The following SMG6 variants were observed in gnomAD, a reference collection of about 807,000 sequenced individuals.
SMG6 encodes the protein telomerase-binding protein EST1A.
SMG6 carries 66 observed loss-of-function variants against 142.2 expected under a neutral mutation model. That is an observed-to-expected ratio of 0.46 (90% confidence interval 0.38 to 0.57). SMG6 has a LOEUF of 0.57. Ranked by LOEUF, SMG6 falls within the 20% of genes least tolerant of loss-of-function variation. The pLI is 0.00. For synonymous variants in SMG6, 779 were observed against 702.4 expected (o/e 1.11, Z -1.72); for missense variants, 1,793 against 1,832.0 (o/e 0.98, Z 0.39).
rs550357395 is a variant in SMG6, at chr17:2,068,118, T to C, written c.3835+660A>G. 6.6e-6 allele frequency among the ~76,000 whole-genome samples: 1 copy of C among 152,236 alleles called. No homozygotes were observed. The highest frequency in any genetic ancestry group is 2.4e-5 in the African/African-American group (1 of 41,532). ...AACTAAGGGTACCCAGACGGTCCCG[T>C]GGAGACGGCCCAGCTGGGCCTCTCT... On this transcript the variant is annotated intron_variant, in intron 16 of 18. Coordinates refer to ENST00000263073, the MANE Select transcript of SMG6 (RefSeq NM_017575.5). The surrounding 1 kb of genome is among the most constrained non-coding windows in gnomAD (Gnocchi z 6.7).
At chr17:2,300,792 C>T in intron 1 of SMG6, 128 bp from the exon 2 acceptor site, 1 of 793,320 alleles carries the variant, frequency 1.3e-6, no homozygotes, top group Non-Finnish European at 1.9e-6. Context: ...TATCCAAATG[C>T]TAATACTGGT....
At position 2,118,502 on chromosome 17, in the gene SMG6, G is replaced by A. The variant is rs1037330339; in HGVS notation, c.3358-32601C>T. On this transcript the variant is annotated intron_variant, in intron 13 of 18. Coordinates refer to ENST00000263073, the MANE Select transcript of SMG6 (RefSeq NM_017575.5). The stretch of plus-strand genomic sequence containing the variant: ...AGCAGTGAGCCAAGATCGTGCCACT[G>A]CACTCCAGCCTGGGTGTAAGAGTGA... Among the ~76,000 whole-genome samples the A allele has an allele frequency of 1.6e-4, 25 of 152,128 alleles. 1 individual carries two copies. The highest frequency in any genetic ancestry group is 6.0e-4 in the African/African-American group (25 of 41,508).
chr17:2,220,422 G>A (rs1298705460), intron 10 of SMG6, among the ~76,000 whole-genome samples: 1 of 152,188 alleles, frequency 6.6e-6, no homozygotes, highest in East Asian at 1.9e-4. Context: ...CTTGGACCCA[G>A]GAGTTTGAGA....
chr17:2,185,264 G>A (rs2071941827), intron 12 of SMG6, among the ~76,000 whole-genome samples: 1 of 151,988 alleles, frequency 6.6e-6, no homozygotes, highest in Non-Finnish European at 1.5e-5. Context: ...AGCGCCCAGA[G>A]GCAGACACAC....
intron 9 of SMG6, among the ~76,000 whole-genome samples, chr17:2,243,312 A>AC (rs1157477554): frequency 6.6e-6 from 1 of 152,208 alleles, no homozygotes; most frequent in Non-Finnish European, 1.5e-5. Flanking sequence ...TTCCAGTGGA[A>AC]CCAAGCCTTT....
intron 12 of SMG6, among the ~76,000 whole-genome samples, chr17:2,183,323 G>C (rs1462238906): frequency 3.9e-5 from 6 of 152,092 alleles, no homozygotes; most frequent in Non-Finnish European, 7.4e-5. Flanking sequence ...GCAGGAGGGA[G>C]AGATGAATAG....
At chr17:2,133,996 T>C (rs2070208509) in intron 13 of SMG6, among the ~76,000 whole-genome samples, 1 of 152,192 alleles carries the variant, frequency 6.6e-6, no homozygotes, top group Non-Finnish European at 1.5e-5. Flanking sequence ...ACACTAGCCC[T>C]GGACTGCCTA....
chr17:2,162,960 T>C (rs2071227278), intron 13 of SMG6, among the ~76,000 whole-genome samples: 1 of 151,992 alleles, frequency 6.6e-6, no homozygotes, highest in African/African-American at 2.4e-5. Flanking sequence ...GCCTCTCAAG[T>C]AGCTGGGACT....
chr17:2,239,976 G>C (rs1488037345), intron 9 of SMG6: 3 of 152,150 alleles, frequency 2.0e-5, no homozygotes, highest in African/African-American at 7.2e-5. Flanking sequence ...CACAAATTCA[G>C]AGCCTATAGG....
chr17:2,169,318 A>G (rs1400749624), intron 13 of SMG6, among the ~76,000 whole-genome samples: 1 of 152,044 alleles, frequency 6.6e-6, no homozygotes, highest in South Asian at 2.1e-4. Context: ...TCTTAAAAAA[A>G]AAAAAAAGGA....
intron 10 of SMG6, among the ~76,000 whole-genome samples, chr17:2,198,123 C>T (rs1009307729): frequency 6.6e-6 from 1 of 152,176 alleles, no homozygotes; most frequent in African/African-American, 2.4e-5. Flanking sequence ...TGTGGAATAT[C>T]CGTACCAGGG....
At chr17:2,105,379 C>T (rs1315858902) in intron 13 of SMG6, among the ~76,000 whole-genome samples, 2 of 151,048 alleles carry the variant, frequency 1.3e-5, no homozygotes. Context: ...AACCCAATCT[C>T]TACTAAAAAT....
chr17:2,162,856 G>A (rs11869619), intron 13 of SMG6, among the ~76,000 whole-genome samples: 1 of 151,752 alleles, frequency 6.6e-6, no homozygotes, highest in African/African-American at 2.4e-5. Flanking sequence ...TTTTGAGAAA[G>A]GGTCTCCCTC....
At chr17:2,302,597 T>C (rs1285208160) in intron 1 of SMG6, among the ~76,000 whole-genome samples, 1 of 152,156 alleles carries the variant, frequency 6.6e-6, no homozygotes, top group Non-Finnish European at 1.5e-5. Flanking sequence ...GCTCTCTAAA[T>C]ATAAATGGAA....
chr17:2,223,039 C>T (rs1406541461), intron 10 of SMG6, among the ~76,000 whole-genome samples: 1 of 152,208 alleles, frequency 6.6e-6, no homozygotes, highest in Non-Finnish European at 1.5e-5. Context: ...AAAGAAGTCC[C>T]TGGTGAGCTG....
At chr17:2,177,552 C>T (rs1376928926) in intron 12 of SMG6, among the ~76,000 whole-genome samples, 4 of 152,338 alleles carry the variant, frequency 2.6e-5, no homozygotes, top group East Asian at 1.9e-4. Flanking sequence ...CCCCATGTTA[C>T]AAGCCTGCTG....
chr17:2,261,821 G>A (rs904669248), intron 8 of SMG6, among the ~76,000 whole-genome samples: 1 of 152,144 alleles, frequency 6.6e-6, no homozygotes, highest in African/African-American at 2.4e-5. Context: ...CTTCCTAGGA[G>A]CACGAAGGGC....
rs1273794185 is a variant in SMG6, at chr17:2,299,491, G to A, written c.1262C>T (p.Ser421Leu). ...LPAHTTLSVNSAGSPESAPLG... is the reference protein window; with the variant it reads ...LPAHTTLSVNLAGSPESAPLG... ...AGGCGCGGACTCTGGAGAACCTGCT[G>A]AATTGACAGATAGGGTGGTATGGGC... is the stretch of plus-strand genomic sequence containing the variant. Residue 421 changes from serine to leucine, a missense_variant, in exon 2 of 19, where the codon TCA (serine) becomes TTA (leucine). Transcript: ENST00000263073. The surrounding 1 kb of genome is among the most constrained non-coding windows in gnomAD (Gnocchi z 4.3). 3 of 1,614,168 alleles carry A rather than the reference G, an allele frequency of 1.9e-6. No individual in the cohort carries two copies. The South Asian group carries it at 3.3e-5, about 18-fold the overall frequency.
chr17:2,210,016 C>T (rs766841794), intron 10 of SMG6, among the ~76,000 whole-genome samples: 11 of 152,136 alleles, frequency 7.2e-5, no homozygotes, highest in Non-Finnish European at 1.5e-4. Context: ...CGCACCTTCC[C>T]AGGTAACCTA....
Sources: gnomAD v4.1 joint callset for allele counts (sites outside exome capture counted in the v4.1 genomes callset) on GRCh38, gnomAD v4.1.1 for gene constraint, Gnocchi (gnomAD v3.1) non-coding constraint, MANE v1.5 for transcripts, NCBI Gene and HGNC (gene_info 2026-07-23, HGNC 2026-07-21) for gene names.